RGS22: variants seen among roughly 807,000 people sequenced by gnomAD.
RGS22 encodes regulator of G protein signaling 22, also known as regulator of G-protein signaling 22.
Under a neutral mutation model 172.9 loss-of-function variants are expected in RGS22, and 148 were observed. The ratio of observed to expected loss-of-function variants is 0.86; its 90% CI spans 0.75 to 0.98. The LOEUF (loss-of-function observed/expected upper bound fraction) is 0.98, where lower values mean the gene tolerates loss of function less well. RGS22 is among the 50% of genes least tolerant of loss of function. RGS22 has a pLI of 0.00. For missense variants in RGS22, 1,347 were observed against 1,440.8 expected (o/e 0.93, Z 1.05); for synonymous variants, 458 against 480.2 (o/e 0.95, Z 0.60).
rs1563670815 is a variant in RGS22 at position 100,051,710 on chromosome 8, TAA to T, written c.1689+1090_1689+1091del. On this transcript the variant is annotated intron_variant, in intron 10 of 27. Transcript: ENST00000360863. ...ATATATATTTATATATACGTATATA[TAA>T]ATATATATTTATATATACGTATATA... 2.3e-3 allele frequency among the ~76,000 whole-genome samples: 69 copies of T among 29,590 alleles called. 25 individuals are homozygous for T. The highest frequency in any genetic ancestry group is 0.014 in the African/African-American group (39 of 2,706). The allele number at this position is 29,590 out of a possible 152,430, so 19.4% of individuals were successfully genotyped here. A position where few individuals can be genotyped will look rare whatever the true frequency, so the allele number is the denominator to read the frequency against.
At chr8:100,022,000 C>T (rs1817643213) in intron 14 of RGS22, among the ~76,000 whole-genome samples, 1 of 151,936 alleles carries the variant, frequency 6.6e-6, no homozygotes, top group Non-Finnish European at 1.5e-5. Flanking sequence ...ATCTTTTTTT[C>T]TGCAAAAGGA....
intron 3 of RGS22, among the ~76,000 whole-genome samples, chr8:100,091,386 CA>C (rs985271482): frequency 4.0e-5 from 6 of 151,084 alleles, no homozygotes; most frequent in African/African-American, 1.5e-4. Flanking sequence ...TTGGGACACA[CA>C]AAGGGGTCAA....
intron 11 of RGS22, among the ~76,000 whole-genome samples, chr8:100,045,496 A>G (rs1314758165): frequency 1.3e-5 from 2 of 152,146 alleles, no homozygotes; most frequent in Non-Finnish European, 2.9e-5. Context: ...TTAAAAGTTC[A>G]ACTTCAGTCA....
chr8:99,992,740 T>A (rs1476782596), intron 20 of RGS22, among the ~76,000 whole-genome samples: 2 of 152,180 alleles, frequency 1.3e-5, no homozygotes. Context: ...TATCCAGACC[T>A]GAACTCAGCT....
chr8:100,054,097 A>T (rs972148217), intron 9 of RGS22, among the ~76,000 whole-genome samples: 3 of 152,184 alleles, frequency 2.0e-5, no homozygotes, highest in African/African-American at 7.2e-5. Flanking sequence ...AATGTCTGGC[A>T]CAATATTAAG....
intron 2 of RGS22, among the ~76,000 whole-genome samples, chr8:100,103,146 G>A (rs767351196): frequency 2.2e-4 from 34 of 152,318 alleles, no homozygotes; most frequent in Non-Finnish European, 3.7e-4. Flanking sequence ...AGTGATAGGA[G>A]AAGGAAAAAT....
chr8:100,071,080 C>T (rs1810935517), intron 6 of RGS22, among the ~76,000 whole-genome samples: 1 of 151,962 alleles, frequency 6.6e-6, no homozygotes, highest in Non-Finnish European at 1.5e-5. Flanking sequence ...CCTAGGAGTT[C>T]GAGACCAGCC....
intron 27 of RGS22, 23 bp downstream of exon 27, chr8:99,962,371 C>T: frequency 6.5e-7 from 1 of 1,544,858 alleles, no homozygotes; most frequent in Non-Finnish European, 8.9e-7. Flanking sequence ...GTGGGACCAA[C>T]CAACATTCAG....
intron 20 of RGS22, among the ~76,000 whole-genome samples, chr8:99,991,007 C>T (rs886575522): frequency 4.6e-5 from 7 of 152,150 alleles, no homozygotes; most frequent in African/African-American, 1.7e-4. Flanking sequence ...CTCCAACAGA[C>T]CTGCAGCTGA....
intron 23 of RGS22, among the ~76,000 whole-genome samples, chr8:99,968,268 A>T (rs1563554428): frequency 6.6e-6 from 1 of 152,198 alleles, no homozygotes; most frequent in East Asian, 1.9e-4. Flanking sequence ...ATCCATGAAG[A>T]TGAGGAAAAA....
At chr8:100,093,339 T>C in intron 3 of RGS22, 108 bp downstream of exon 3, 1 of 640,804 alleles carries the variant, frequency 1.6e-6, no homozygotes, top group Non-Finnish European at 2.8e-6. Flanking sequence ...GCTTTAATAT[T>C]TTTTTAAAAA....
intron 9 of RGS22, among the ~76,000 whole-genome samples, chr8:100,054,051 A>G (rs1435034613): frequency 6.6e-6 from 1 of 152,230 alleles, no homozygotes; most frequent in Non-Finnish European, 1.5e-5. Context: ...TATATAAATC[A>G]AAGACCAACA....
chr8:100,001,710 T>C (rs1231122734), intron 18 of RGS22, among the ~76,000 whole-genome samples: 1 of 152,200 alleles, frequency 6.6e-6, no homozygotes, highest in Non-Finnish European at 1.5e-5. Context: ...TCTTTTATAA[T>C]ATTTGCTCAA....
intron 10 of RGS22, 40 bp downstream of exon 10, chr8:100,052,762 A>G: frequency 6.4e-7 from 1 of 1,566,582 alleles, no homozygotes; most frequent in South Asian, 1.1e-5. Context: ...ATATTTTACT[A>G]CAAACTTAGT....
intron 4 of RGS22, among the ~76,000 whole-genome samples, chr8:100,076,405 A>T (rs1245781839): frequency 6.6e-6 from 1 of 152,084 alleles, no homozygotes; most frequent in Admixed American, 6.6e-5. Context: ...GAGTGATGTT[A>T]AGTTGTAGGT....
At chr8:100,018,974 T>C (rs1382691325) in intron 14 of RGS22, among the ~76,000 whole-genome samples, 1 of 127,064 alleles carries the variant, frequency 7.9e-6, no homozygotes, top group Non-Finnish European at 1.6e-5. Context: ...TTATTGTTTT[T>C]AACAATGTCA....
chr8:100,025,220 G>C (rs960349376), intron 14 of RGS22, among the ~76,000 whole-genome samples: 9 of 152,084 alleles, frequency 5.9e-5, no homozygotes, highest in African/African-American at 1.7e-4. Flanking sequence ...GACAAAATGC[G>C]ATGCAACACG....
At chr8:100,027,124 G>C (rs775944850) in intron 14 of RGS22, among the ~76,000 whole-genome samples, 5 of 152,180 alleles carry the variant, frequency 3.3e-5, no homozygotes, top group African/African-American at 7.2e-5. Flanking sequence ...GGAATCATAG[G>C]GGGCACCGAG....
intron 18 of RGS22, among the ~76,000 whole-genome samples, chr8:100,000,730 C>A (rs747397268): frequency 2.9e-4 from 44 of 152,188 alleles, no homozygotes; most frequent in Non-Finnish European, 6.0e-4. Flanking sequence ...GTGTTTATTT[C>A]ATACTTGTGC....
Sources: allele counts gnomAD v4.1 joint callset (sites outside exome capture counted in the v4.1 genomes callset), GRCh38; gene constraint gnomAD v4.1.1; transcripts MANE v1.5; gene names NCBI Gene and HGNC (gene_info 2026-07-23, HGNC 2026-07-21).